Variants in CABLES1 observed in about 807,000 individuals in gnomAD.
The protein encoded by CABLES1 is CDK5 and ABL1 enzyme substrate 1.
Under a neutral mutation model 57.8 loss-of-function variants are expected in CABLES1, and 36 were observed. The ratio of observed to expected loss-of-function variants is 0.62; its 90% CI spans 0.48 to 0.82. The LOEUF is 0.82. Ranked by LOEUF, CABLES1 falls within the 40% of genes least tolerant of loss-of-function variation. The pLI, the probability that CABLES1 is intolerant of heterozygous loss-of-function variation, is 0.00. For synonymous variants in CABLES1, 374 were observed against 363.0 expected, an observed-to-expected ratio of 1.03 and a Z score of -0.35; for missense variants, 767 against 836.6, an observed-to-expected ratio of 0.92 and a Z score of 1.03.
intron 1 of CABLES1, among the ~76,000 whole-genome samples, chr18:23,172,991 G>C (rs947904696): frequency 1.3e-5 from 2 of 152,228 alleles, no homozygotes; most frequent in Non-Finnish European, 2.9e-5. Flanking sequence ...AATTTGCAAG[G>C]ATGTCTTACG....
intron 1 of CABLES1, among the ~76,000 whole-genome samples, chr18:23,140,789 G>GT (rs2046853310): frequency 6.6e-6 from 1 of 152,146 alleles, no homozygotes; most frequent in South Asian, 2.1e-4. Flanking sequence ...GAACACTTGG[G>GT]TTAGCATCAT....
chr18:23,207,335 A>G (rs551149277), intron 3 of CABLES1, among the ~76,000 whole-genome samples: 5 of 152,258 alleles, frequency 3.3e-5, no homozygotes, highest in African/African-American at 1.2e-4. Context: ...GTCCGTGAAC[A>G]TTTATTATTC....
In CABLES1 at chr18:23,199,725, A is replaced by C. The variant is rs1190294523; in HGVS notation, c.1010+5185A>C. Among the ~76,000 whole-genome samples, 7 of 152,338 alleles carry C rather than the reference A, an allele frequency of 4.6e-5. No homozygotes were observed. In the South Asian group the frequency reaches 1.5e-3, roughly 32 times the overall value. On this transcript the variant is annotated intron_variant, in intron 3 of 9. Transcript: ENST00000256925. ...ATTGCTTAATGAGTACAGAGTTTCTATTAGGGGTGATGGAAAAGTTTTAGG... is the reference window on the plus strand; with the variant it reads ...ATTGCTTAATGAGTACAGAGTTTCTCTTAGGGGTGATGGAAAAGTTTTAGG...
intron 3 of CABLES1, among the ~76,000 whole-genome samples, chr18:23,207,525 A>T (rs1421598227): frequency 6.6e-6 from 1 of 152,164 alleles, no homozygotes; most frequent in African/African-American, 2.4e-5. Context: ...CTGTGTGTTC[A>T]GTAGCGCCCC....
chr18:23,213,942 T>A (rs766684395), intron 3 of CABLES1, 35 bp from the exon 4 acceptor site: 2 of 1,370,608 alleles, frequency 1.5e-6, no homozygotes, highest in Non-Finnish European at 2.0e-6. Flanking sequence ...TTGCATTTAG[T>A]GTGTTTGTTG....
At chr18:23,139,892 A>G (rs1341281721) in intron 1 of CABLES1, among the ~76,000 whole-genome samples, 1 of 152,234 alleles carries the variant, frequency 6.6e-6, no homozygotes, top group Non-Finnish European at 1.5e-5. Context: ...ATGTTTGTGT[A>G]TTATACAACT....
chr18:23,250,484 G>A (rs984197633), intron 7 of CABLES1, among the ~76,000 whole-genome samples: 4 of 152,162 alleles, frequency 2.6e-5, no homozygotes, highest in African/African-American at 9.7e-5. Context: ...GAAATCTTAC[G>A]TCCCCTTCAA....
chr18:23,147,738 T>G (rs1468041537), intron 1 of CABLES1, among the ~76,000 whole-genome samples: 1 of 152,168 alleles, frequency 6.6e-6, no homozygotes, highest in African/African-American at 2.4e-5. Flanking sequence ...GTAGGGGGAA[T>G]TCACATGTTC....
intron 3 of CABLES1, among the ~76,000 whole-genome samples, chr18:23,207,667 G>A (rs1157558328): frequency 6.6e-6 from 1 of 152,088 alleles, no homozygotes; most frequent in African/African-American, 2.4e-5. Context: ...TGTCTGGCAT[G>A]GATTAAGTGC....
intron 1 of CABLES1, among the ~76,000 whole-genome samples, chr18:23,179,007 C>T (rs940087487): frequency 1.3e-5 from 2 of 152,140 alleles, no homozygotes; most frequent in African/African-American, 4.8e-5. Context: ...GTTTCTTGGC[C>T]GGGCGTGGTG....
chr18:23,218,134 G>T (rs917399500), intron 4 of CABLES1, among the ~76,000 whole-genome samples: 3 of 152,192 alleles, frequency 2.0e-5, no homozygotes, highest in Non-Finnish European at 4.4e-5. Context: ...CAGGAATCTC[G>T]TAGTTCGTCT....
chr18:23,223,382 A>C (rs1404021134), intron 4 of CABLES1, among the ~76,000 whole-genome samples: 1 of 152,096 alleles, frequency 6.6e-6, no homozygotes, highest in African/African-American at 2.4e-5. Context: ...GTTTGAGACC[A>C]GCCTGGCCGA....
In CABLES1 at chr18:23,253,006, T is replaced by C. The variant is rs1568095174; in HGVS notation, c.1493T>C (p.Met498Thr). The stretch of plus-strand genomic sequence containing the variant: ...AAGCCCTCGGATCTCAAGAAGGACA[T>C]GAACGAGACCTTCAAGGAGAAGTTT... ...YVKPSDLKKDMNETFKEKFPH... is the reference protein window; with the variant it reads ...YVKPSDLKKDTNETFKEKFPH... Residue 498 changes from methionine to threonine, a missense_variant, in exon 8 of 10, where the codon ATG (methionine) becomes ACG (threonine). Met to Thr is a moderately conservative substitution (Grantham distance 81). Transcript: ENST00000256925. The C allele has an allele frequency of 6.2e-7, 1 of 1,613,864 alleles. No homozygotes were observed. The highest frequency in any genetic ancestry group is 8.5e-7 in the Non-Finnish European group (1 of 1,179,796).
chr18:23,233,687 T>C (rs1055836255), intron 4 of CABLES1, among the ~76,000 whole-genome samples: 4 of 152,316 alleles, frequency 2.6e-5, no homozygotes, highest in African/African-American at 9.6e-5. Context: ...TACTCCATCC[T>C]GAGCAACAGA....
chr18:23,218,636 CCTCCCGCATCCTCACTTGCCCTGG>C (rs1568072659), intron 4 of CABLES1, among the ~76,000 whole-genome samples: 4 of 109,512 alleles, frequency 3.7e-5, no homozygotes, highest in African/African-American at 1.1e-4. Flanking sequence ...ACTTGCCCTG[CCTCCCGCATCCTCACTTGCCCTGG>C]CTCCCGCATC....
chr18:23,250,146 C>A (rs1327939724), intron 7 of CABLES1, among the ~76,000 whole-genome samples: 1 of 152,214 alleles, frequency 6.6e-6, no homozygotes, highest in East Asian at 1.9e-4. Flanking sequence ...ACAGGCACTT[C>A]AACAGAACCC....
At chr18:23,211,077 A>G (rs2047401283) in intron 3 of CABLES1, among the ~76,000 whole-genome samples, 1 of 151,950 alleles carries the variant, frequency 6.6e-6, no homozygotes, top group Non-Finnish European at 1.5e-5. Flanking sequence ...CGGACCACCC[A>G]GAGTGAGCGC....
chr18:23,215,294 C>A lies in CABLES1; in HGVS notation c.1088+1240C>A, dbSNP rs145540534. On this transcript the variant is annotated intron_variant, in intron 4 of 9. Coordinates refer to ENST00000256925, the MANE Select transcript of CABLES1 (RefSeq NM_001100619.3). ...TTTGACTGACCTACCTGCTGTGGCC[C>A]CGGGTCTGGCTACATTGGAAGAGCA... Among the ~76,000 whole-genome samples, 4 of 152,256 alleles carry A rather than the reference C, an allele frequency of 2.6e-5. No homozygotes were observed. In the East Asian group the frequency reaches 7.7e-4, roughly 29 times the overall value.
chr18:23,214,285 C>A, intron 4 of CABLES1: 1 of 451,736 alleles, frequency 2.2e-6, no homozygotes. Context: ...CTTTCTAAAT[C>A]TACATTTTGT....
Sources: gnomAD v4.1 joint callset for allele counts (sites outside exome capture counted in the v4.1 genomes callset) on GRCh38, gnomAD v4.1.1 for gene constraint, MANE v1.5 for transcripts, NCBI Gene and HGNC (gene_info 2026-07-23, HGNC 2026-07-21) for gene names.